FAM120A: variants seen among roughly 807,000 people sequenced by gnomAD.
FAM120A encodes constitutive coactivator of PPAR-gamma-like protein 1.
A neutral mutation model predicts 109.7 loss-of-function variants in FAM120A; 15 were observed. The observed-to-expected ratio is 0.14, with a 90% CI of 0.09 to 0.21. FAM120A has a LOEUF of 0.21. Ranked by LOEUF, FAM120A falls within the 10% of genes least tolerant of loss-of-function variation. The pLI is 1.00. For missense variants in FAM120A, 899 were observed against 1,439.3 expected (o/e 0.62, Z 6.07); for synonymous variants, 493 against 572.8 (o/e 0.86, Z 1.99).
intron 3 of FAM120A, among the ~76,000 whole-genome samples, chr9:93,484,880 A>T (rs764100745): frequency 6.6e-6 from 1 of 152,170 alleles, no homozygotes; most frequent in Non-Finnish European, 1.5e-5. Context: ...CGGCCTGCTG[A>T]CTGTGCTTAG....
At chr9:93,528,757 T>A (rs570850541) in intron 8 of FAM120A, among the ~76,000 whole-genome samples, 16 of 152,234 alleles carry the variant, frequency 1.1e-4, no homozygotes, top group Non-Finnish European at 1.9e-4. Context: ...TTTTTGCTTG[T>A]GTATAATTAA....
chr9:93,472,368 A>G (rs994199640), intron 2 of FAM120A, among the ~76,000 whole-genome samples: 1 of 151,838 alleles, frequency 6.6e-6, no homozygotes, highest in African/African-American at 2.4e-5. Context: ...TTATGCTTTC[A>G]TTGTGCTTGT....
intron 10 of FAM120A, among the ~76,000 whole-genome samples, chr9:93,533,622 C>T (rs962483737): frequency 2.0e-5 from 3 of 152,206 alleles, no homozygotes; most frequent in African/African-American, 7.2e-5. Flanking sequence ...AAAAGAATGA[C>T]ATTTCTTACT....
chr9:93,504,539 TTTTG>T (rs763842050), intron 5 of FAM120A, among the ~76,000 whole-genome samples: 1 of 152,216 alleles, frequency 6.6e-6, no homozygotes, highest in Non-Finnish European at 1.5e-5. Context: ...AATAGTTTCA[TTTTG>T]TTTGTTATGA....
chr9:93,552,742 T>C (rs912684775), intron 12 of FAM120A, among the ~76,000 whole-genome samples: 2 of 152,194 alleles, frequency 1.3e-5, no homozygotes, highest in South Asian at 2.1e-4. Context: ...CATTAAAATT[T>C]TTTGCAATAT....
chr9:93,452,510 C>T lies in FAM120A; in HGVS notation c.474+121C>T, dbSNP rs1445666768. ...CTGGGGGCAGCGAGTTCCCCCAGCCCTTGCCCGGGATAGCCTGGCCGGGCC... is the reference window on the plus strand; with the variant it reads ...CTGGGGGCAGCGAGTTCCCCCAGCCTTTGCCCGGGATAGCCTGGCCGGGCC... On this transcript the variant is annotated intron_variant, in intron 1 of 17. Coordinates refer to ENST00000277165, the MANE Select transcript of FAM120A (RefSeq NM_014612.5). The surrounding 1 kb of genome is among the most constrained non-coding windows in gnomAD (Gnocchi z 7.0). 4.5e-6 allele frequency: 7 copies of T among 1,550,096 alleles called. No homozygotes were observed. Among genetic ancestry groups the T allele is most frequent in the Non-Finnish European group, 6.1e-6 (7 of 1,153,158 alleles).
rs1857347068 is a variant in FAM120A, at chr9:93,452,991, C to T, written c.474+602C>T. The T allele has an allele frequency of 7.7e-7, 1 of 1,300,350 alleles. No homozygotes were observed. The highest frequency in any genetic ancestry group is 9.8e-7 in the Non-Finnish European group (1 of 1,025,028). The allele number at this position is 1,300,350 out of a possible 1,614,324, so 80.6% of individuals were successfully genotyped here. ...TGCCCTGTCCGTGTTCCTCTTAGTA[C>T]AGGGTGTTTAGAGAATCTTTCTATG... On this transcript the variant is annotated intron_variant, in intron 1 of 17. Coordinates refer to ENST00000277165, the MANE Select transcript of FAM120A (RefSeq NM_014612.5). This position sits in a 1 kb window ranked among gnomAD's most constrained non-coding sequence, Gnocchi z 7.0.
chr9:93,545,806 T>TTG (rs1861862654), intron 11 of FAM120A, among the ~76,000 whole-genome samples: 3 of 116,226 alleles, frequency 2.6e-5, no homozygotes, highest in African/African-American at 1.0e-4. Context: ...TTTTTTTTTT[T>TTG]GAGACGGAGT....
At chr9:93,478,186 A>G (rs1051094759) in intron 3 of FAM120A, among the ~76,000 whole-genome samples, 1 of 151,924 alleles carries the variant, frequency 6.6e-6, no homozygotes, top group Non-Finnish European at 1.5e-5. Context: ...TTTTTTTGAG[A>G]CAGGGTCTTG....
intron 5 of FAM120A, among the ~76,000 whole-genome samples, chr9:93,507,383 G>A (rs1192922713): frequency 6.6e-6 from 1 of 152,206 alleles, no homozygotes; most frequent in Non-Finnish European, 1.5e-5. Context: ...AGATAAAGAT[G>A]GTTGGAGGAA....
At chr9:93,528,126 A>G (rs1451326432) in intron 8 of FAM120A, among the ~76,000 whole-genome samples, 4 of 152,208 alleles carry the variant, frequency 2.6e-5, no homozygotes, top group African/African-American at 7.2e-5. Flanking sequence ...TTGTTCTGCA[A>G]ATAAGCAACA....
chr9:93,556,751 G>T (rs1359299503), intron 13 of FAM120A, among the ~76,000 whole-genome samples, 160 bp downstream of exon 13: 2 of 152,194 alleles, frequency 1.3e-5, no homozygotes, highest in Non-Finnish European at 2.9e-5. Flanking sequence ...TCAGTACCCA[G>T]GATGAGCCAA....
chr9:93,486,351 T>A lies in FAM120A; in HGVS notation c.804+10013T>A, dbSNP rs115639240. On this transcript the variant is annotated intron_variant, in intron 3 of 17. Transcript: ENST00000277165. Reference sequence around the variant, plus strand: ...ACATTTTATTGCTCTCTTCATCAGTTGGTAGACACTTGGGTTATTTGTACC... The same window carrying A: ...ACATTTTATTGCTCTCTTCATCAGTAGGTAGACACTTGGGTTATTTGTACC... Among the ~76,000 whole-genome samples, 1,258 of 152,250 alleles carry A rather than the reference T, an allele frequency of 8.3e-3. 16 individuals are homozygous for A. Among genetic ancestry groups the A allele is most frequent in the African/African-American group, 0.029 (1,210 of 41,534 alleles).
intron 16 of FAM120A, 53 bp from the exon 17 acceptor site, chr9:93,562,155 T>C: frequency 7.2e-7 from 1 of 1,379,456 alleles, no homozygotes; most frequent in Non-Finnish European, 1.0e-6. Flanking sequence ...CTATTTTAAA[T>C]GTTGTCTGTA....
chr9:93,481,810 G>A (rs751694020), intron 3 of FAM120A, among the ~76,000 whole-genome samples: 4 of 152,076 alleles, frequency 2.6e-5, no homozygotes, highest in Non-Finnish European at 5.9e-5. Flanking sequence ...TTTCTGCATG[G>A]TGAGCCTCCC....
chr9:93,471,619 C>G (rs879934227), intron 2 of FAM120A, among the ~76,000 whole-genome samples: 3 of 152,160 alleles, frequency 2.0e-5, no homozygotes, highest in Non-Finnish European at 2.9e-5. Flanking sequence ...AGGAATTGTT[C>G]AGATTAATTT....
chr9:93,502,630 G>T (rs1016180058), intron 5 of FAM120A, among the ~76,000 whole-genome samples: 1 of 151,304 alleles, frequency 6.6e-6, no homozygotes, highest in East Asian at 1.9e-4. Flanking sequence ...CCCAGAAATT[G>T]TGTATTTTGA....
intron 10 of FAM120A, among the ~76,000 whole-genome samples, chr9:93,542,925 G>C (rs1372386496): frequency 6.6e-6 from 1 of 152,174 alleles, no homozygotes; most frequent in Non-Finnish European, 1.5e-5. Context: ...AATGGATTTT[G>C]TCTAACATCT....
At chr9:93,519,002 A>G (rs1860729217) in intron 7 of FAM120A, among the ~76,000 whole-genome samples, 1 of 151,888 alleles carries the variant, frequency 6.6e-6, no homozygotes, top group Non-Finnish European at 1.5e-5. Context: ...TTCTTCTTCC[A>G]GTGTGGCCCA....
Sources: allele counts gnomAD v4.1 joint callset (sites outside exome capture counted in the v4.1 genomes callset), GRCh38; gene constraint gnomAD v4.1.1; non-coding constraint Gnocchi (gnomAD v3.1); transcripts MANE v1.5; gene names NCBI Gene and HGNC (gene_info 2026-07-23, HGNC 2026-07-21).